ARHGEF4: variants seen among roughly 807,000 people sequenced by gnomAD.
The protein encoded by ARHGEF4 is Rho guanine nucleotide exchange factor 4, also known as APC-stimulated guanine nucleotide exchange factor 1.
Under a neutral mutation model 162.0 loss-of-function variants are expected in ARHGEF4, and 119 were observed. The observed-to-expected ratio is 0.73, with a 90% CI of 0.63 to 0.86. ARHGEF4 has a LOEUF of 0.86. ARHGEF4 is among the 40% of genes least tolerant of loss of function. ARHGEF4 has a pLI of 0.00. For missense variants in ARHGEF4, 2,488 were observed against 2,456.0 expected (o/e 1.01, Z -0.28); for synonymous variants, 1,014 against 979.9 (o/e 1.03, Z -0.65).
At chr2:130,967,188 T>A (rs1685061789) in intron 4 of ARHGEF4, among the ~76,000 whole-genome samples, 2 of 152,126 alleles carry the variant, frequency 1.3e-5, no homozygotes, top group Non-Finnish European at 2.9e-5. Context: ...TTCAAAAGAC[T>A]CCTTGAATTT....
chr2:130,838,955 A>ACACGGTCCTCCAGTTCC (rs533173823), intron 1 of ARHGEF4, among the ~76,000 whole-genome samples: 2,842 of 152,252 alleles, frequency 0.019, 49 homozygotes, highest in Non-Finnish European at 0.027. Context: ...TTCCTGACAC[A>ACACGGTCCTCCAGTTCC]CACGGTCCTC....
At chr2:130,889,894 C>A (rs1026801550) in intron 1 of ARHGEF4, among the ~76,000 whole-genome samples, 1 of 151,566 alleles carries the variant, frequency 6.6e-6, no homozygotes, top group African/African-American at 2.4e-5. Flanking sequence ...CTGCTACTTC[C>A]TTTTAGCGTA....
At chr2:130,937,270 G>A (rs1683016670) in intron 3 of ARHGEF4, among the ~76,000 whole-genome samples, 1 of 151,850 alleles carries the variant, frequency 6.6e-6, no homozygotes, top group Non-Finnish European at 1.5e-5. Flanking sequence ...TGGTGCCCTA[G>A]GTTCTGTTAA....
intron 3 of ARHGEF4, among the ~76,000 whole-genome samples, chr2:130,944,666 C>T (rs1372708601): frequency 2.6e-5 from 4 of 152,146 alleles, no homozygotes; most frequent in Admixed American, 2.6e-4. Context: ...AAAGTGTTCA[C>T]CCTTACTTCT....
intron 5 of ARHGEF4, among the ~76,000 whole-genome samples, chr2:131,030,351 C>G (rs985202665): frequency 6.6e-6 from 1 of 152,194 alleles, no homozygotes; most frequent in Non-Finnish European, 1.5e-5. Context: ...AAATGAGGCT[C>G]TGTCATCTTT....
chr2:130,922,922 T>TTATATATA (rs1681972835), intron 2 of ARHGEF4, among the ~76,000 whole-genome samples: 1 of 40,760 alleles, frequency 2.5e-5, no homozygotes, highest in East Asian at 2.7e-3. Context: ...CCCTCTTTAA[T>TTATATATA]GATATATATA....
chr2:130,864,407 G>A lies in ARHGEF4; in HGVS notation c.39+27415G>A, dbSNP rs146013316. 7.6e-3 allele frequency among the ~76,000 whole-genome samples: 1,161 copies of A among 152,116 alleles called. 12 individuals carry two copies. Among genetic ancestry groups the A allele is most frequent in the African/African-American group, 0.026 (1,079 of 41,528 alleles). ...GGAGTGAGGGGTGAAGTGTTGAAGG[G>A]GAGTGGGGAGTGAATGTTAAGGAGT... On this transcript the variant is annotated intron_variant, in intron 1 of 13. Coordinates refer to ENST00000409359, the MANE Select transcript of ARHGEF4 (RefSeq NM_001367493.1).
Position 130,917,038 on chromosome 2 carries a change from A to G in ARHGEF4, c.3092A>G (p.Lys1031Arg). ...EHRRKSEPTI[K>R]CTATQEGGRY... ...AGGAGGAAAAGTGAACCGACCATCA[A>G]GTGCACAGCCACCCAGGAAGGCGGT... is the stretch of plus-strand genomic sequence containing the variant. The change falls in exon 2 of 14, where the codon AAG becomes AGG. Residue 1031 changes from lysine to arginine, a missense_variant. Lys to Arg is a conservative substitution (Grantham distance 26). Transcript: ENST00000409359. The G allele has an allele frequency of 6.4e-7, 1 of 1,550,930 alleles. No individual in the cohort carries two copies. The highest frequency in any genetic ancestry group is 8.7e-7 in the Non-Finnish European group (1 of 1,147,078).
intron 4 of ARHGEF4, among the ~76,000 whole-genome samples, chr2:130,966,201 C>A (rs1309321715): frequency 6.6e-6 from 1 of 152,188 alleles, no homozygotes; most frequent in Non-Finnish European, 1.5e-5. Flanking sequence ...TTTGGTAGGA[C>A]CTGCATCAGC....
At chr2:130,838,247 A>T (rs1278185766) in intron 1 of ARHGEF4, among the ~76,000 whole-genome samples, 1 of 152,206 alleles carries the variant, frequency 6.6e-6, no homozygotes, top group Non-Finnish European at 1.5e-5. Flanking sequence ...GTTTTGAAAA[A>T]TGTGGGTGAT....
At chr2:130,842,553 T>C (rs1680680147) in intron 1 of ARHGEF4, among the ~76,000 whole-genome samples, 1 of 152,230 alleles carries the variant, frequency 6.6e-6, no homozygotes, top group African/African-American at 2.4e-5. Context: ...GGATTCTTCA[T>C]GCCTTTCATT....
rs75414868 is a variant in ARHGEF4, at chr2:130,975,653, C to T, written c.3985+29018C>T. Among the ~76,000 whole-genome samples, 926 of 152,286 alleles carry T rather than the reference C, an allele frequency of 6.1e-3. 9 individuals are homozygous for T. The highest frequency in any genetic ancestry group is 0.022 in the African/African-American group (895 of 41,572). Reference sequence around the variant, plus strand: ...GCCCAGAAGGCTGCACGTGGCATGCCCTGCACCCCACTTCTACAGAACTGT... The same window carrying T: ...GCCCAGAAGGCTGCACGTGGCATGCTCTGCACCCCACTTCTACAGAACTGT... On this transcript the variant is annotated intron_variant, in intron 4 of 13. Coordinates refer to ENST00000409359, the MANE Select transcript of ARHGEF4 (RefSeq NM_001367493.1).
intron 2 of ARHGEF4, among the ~76,000 whole-genome samples, chr2:130,929,284 G>A (rs921712085): frequency 1.3e-5 from 2 of 152,142 alleles, no homozygotes; most frequent in Non-Finnish European, 2.9e-5. Flanking sequence ...GACATACCTG[G>A]AGAGCTAGAA....
chr2:130,982,111 G>A (rs913308269), intron 4 of ARHGEF4, among the ~76,000 whole-genome samples: 1 of 152,064 alleles, frequency 6.6e-6, no homozygotes, highest in Admixed American at 6.6e-5. Flanking sequence ...CAATTCCCCT[G>A]CCTCAGCCTC....
chr2:130,842,845 G>A (rs1680699419), intron 1 of ARHGEF4, among the ~76,000 whole-genome samples: 1 of 152,214 alleles, frequency 6.6e-6, no homozygotes, highest in South Asian at 2.1e-4. Context: ...AAGGGCTCCA[G>A]TTAAGTGAAA....
intron 1 of ARHGEF4, among the ~76,000 whole-genome samples, chr2:130,890,871 C>T (rs766885796): frequency 1.1e-4 from 17 of 152,064 alleles, no homozygotes; most frequent in African/African-American, 1.9e-4. Flanking sequence ...CAGGGCCATG[C>T]GGTATCATGT....
At chr2:131,030,020 G>C (rs1558873771) in intron 5 of ARHGEF4, among the ~76,000 whole-genome samples, 1 of 152,198 alleles carries the variant, frequency 6.6e-6, no homozygotes, top group Admixed American at 6.5e-5. Flanking sequence ...GCTGTGCAGG[G>C]CTGATGGTAA....
At chr2:130,926,002 G>C (rs1195273678) in intron 2 of ARHGEF4, among the ~76,000 whole-genome samples, 1 of 101,806 alleles carries the variant, frequency 9.8e-6, no homozygotes, top group African/African-American at 3.4e-5. Flanking sequence ...TGCTCTATTT[G>C]TTTGGTTTTC....
At chr2:130,881,803 C>T (rs1050884398) in intron 1 of ARHGEF4, among the ~76,000 whole-genome samples, 1 of 152,110 alleles carries the variant, frequency 6.6e-6, no homozygotes, top group Non-Finnish European at 1.5e-5. Context: ...GTGAGGACCA[C>T]AGGCTGGTGT....
Sources: gnomAD v4.1 joint callset for allele counts (sites outside exome capture counted in the v4.1 genomes callset) on GRCh38, gnomAD v4.1.1 for gene constraint, MANE v1.5 for transcripts, NCBI Gene and HGNC (gene_info 2026-07-23, HGNC 2026-07-21) for gene names.